The following INTS6 variants were observed in gnomAD, a reference collection of about 807,000 sequenced individuals.
INTS6 encodes the protein DEAD box protein.
A neutral mutation model predicts 104.9 loss-of-function variants in INTS6; 16 were observed. That is an observed-to-expected ratio of 0.15 (90% CI 0.10 to 0.23). INTS6 has a LOEUF of 0.23. INTS6 is among the 10% of genes least tolerant of loss of function. INTS6 has a pLI of 1.00. For missense variants in INTS6, 584 were observed against 1,062.8 expected (o/e 0.55, Z 6.26); for synonymous variants, 324 against 358.7 (o/e 0.90, Z 1.09).
At chr13:51,395,505 A>C (rs1956318512) in intron 4 of INTS6, 22 bp from the exon 5 acceptor site, 1 of 1,594,990 alleles carries the variant, frequency 6.3e-7, no homozygotes, top group African/African-American at 1.4e-5. Context: ...GGGGAAAAAC[A>C]GTAATAAGAA....
intron 4 of INTS6, among the ~76,000 whole-genome samples, chr13:51,401,669 C>T (rs1262179871): frequency 1.3e-5 from 2 of 152,044 alleles, no homozygotes; most frequent in African/African-American, 4.8e-5. Context: ...ATTTAACCCA[C>T]AAAATAAACA....
At chr13:51,443,661 C>T (rs780493236) in intron 3 of INTS6, 5 of 152,010 alleles carry the variant, frequency 3.3e-5, no homozygotes, top group Non-Finnish European at 7.4e-5. Context: ...AGTTCAAGAC[C>T]AGCCTGGGTA....
chr13:51,403,744 G>A (rs1024465916), intron 4 of INTS6, among the ~76,000 whole-genome samples: 27 of 151,626 alleles, frequency 1.8e-4, no homozygotes, highest in South Asian at 1.0e-3. Context: ...TATTTACTTC[G>A]CAGCCTATCC....
intron 4 of INTS6, among the ~76,000 whole-genome samples, chr13:51,400,513 C>A (rs1956417139): frequency 6.6e-6 from 1 of 152,152 alleles, no homozygotes; most frequent in Non-Finnish European, 1.5e-5. Flanking sequence ...GGCAAAGATA[C>A]ATTTTTTTTC....
At chr13:51,438,485 G>A (rs1479925445) in intron 3 of INTS6, 1 of 152,056 alleles carries the variant, frequency 6.6e-6, no homozygotes, top group East Asian at 1.9e-4. Context: ...GTTTTAGAAT[G>A]TTACTAAAGC....
At chr13:51,381,264 A>G (rs1278928137) in intron 10 of INTS6, among the ~76,000 whole-genome samples, 1 of 152,208 alleles carries the variant, frequency 6.6e-6, no homozygotes, top group Non-Finnish European at 1.5e-5. Context: ...AGAGACAACT[A>G]TAATCATAAA....
At chr13:51,405,132 G>C (rs752512408) in intron 4 of INTS6, among the ~76,000 whole-genome samples, 1 of 152,182 alleles carries the variant, frequency 6.6e-6, no homozygotes, top group East Asian at 1.9e-4. Context: ...AAGTTAGGGA[G>C]TAATGAAGAG....
At chr13:51,388,713 T>C (rs373986342) in intron 6 of INTS6, among the ~76,000 whole-genome samples, 12 of 152,150 alleles carry the variant, frequency 7.9e-5, no homozygotes, top group African/African-American at 2.4e-4. Context: ...AATCTTGAAA[T>C]AGGTAACATA....
rs749049193 is a variant in INTS6, at chr13:51,361,775, G to A, written c.*3977C>T. On this transcript the variant is annotated 3_prime_UTR_variant, in exon 18 of 18. Coordinates refer to ENST00000311234, the MANE Select transcript of INTS6 (RefSeq NM_012141.3). ...ATAGTTATTTTCTTAAAAATGCACA[G>A]AAAATGCAATGGAATTTTTCTTTCT... 195 of 1,553,996 alleles carry A rather than the reference G, an allele frequency of 1.3e-4. No individual in the cohort carries two copies. The highest frequency in any genetic ancestry group is 1.6e-4 in the Non-Finnish European group (189 of 1,152,570).
intron 4 of INTS6, among the ~76,000 whole-genome samples, chr13:51,427,892 G>A (rs926583888): frequency 6.6e-6 from 1 of 152,170 alleles, no homozygotes; most frequent in African/African-American, 2.4e-5. Flanking sequence ...TAGCAAGGTA[G>A]TTTCAGGTTA....
chr13:51,379,621 T>C (rs916645855), intron 10 of INTS6, 49 bp from the exon 11 acceptor site: 1 of 1,083,362 alleles, frequency 9.2e-7, no homozygotes. Context: ...ATTAAAAACT[T>C]ATGGTTCCAT....
At chr13:51,348,376 C>T in the INTS6 span, 3 of 1,613,882 alleles carry the variant, frequency 1.9e-6, no homozygotes, top group Non-Finnish European at 2.5e-6. Context: ...GGACCACCAG[C>T]CTGAGGAGAG....
chr13:51,389,592 T>C, intron 5 of INTS6, 148 bp from the exon 6 acceptor site: 1 of 663,518 alleles, frequency 1.5e-6, no homozygotes, highest in Non-Finnish European at 2.3e-6. Flanking sequence ...GTTGACTAAT[T>C]TCATTATCTT....
Position 51,451,177 on chromosome 13 carries a change from G to A in INTS6, c.190-3C>T. On this transcript the variant is annotated splice_region_variant and splice_polypyrimidine_tract_variant and intron_variant, in intron 2 of 17. Transcript: ENST00000311234. ...GCATGGTTTTCTTTCCATCCAGCCT[G>A]AAAAGAAAAATGTAAGATTTTTTTT... is the stretch of plus-strand genomic sequence containing the variant. 1 of 1,541,802 alleles carries A rather than the reference G, an allele frequency of 6.5e-7. No homozygotes were observed. Among genetic ancestry groups the A allele is most frequent in the African/African-American group, 1.4e-5 (1 of 71,554 alleles).
At chr13:51,397,635 A>G (rs572906396) in intron 4 of INTS6, among the ~76,000 whole-genome samples, 1 of 152,314 alleles carries the variant, frequency 6.6e-6, no homozygotes, top group South Asian at 2.1e-4. Flanking sequence ...AACCACCTTT[A>G]AAGTATTTGG....
chr13:51,425,411 C>A lies in INTS6; in HGVS notation c.429+4883G>T, dbSNP rs1956967175. ...AATAAGCAAGTAAAACTCTTCCCAA[C>A]AGATTACTTTGGCTGCAAATACCTT... On this transcript the variant is annotated intron_variant, in intron 4 of 17. Coordinates refer to ENST00000311234, the MANE Select transcript of INTS6 (RefSeq NM_012141.3). Among the ~76,000 whole-genome samples, 3 of 152,108 alleles carry A rather than the reference C, an allele frequency of 2.0e-5. No individual in the cohort carries two copies. The South Asian group carries it at 6.2e-4, about 31-fold the overall frequency.
At chr13:51,377,972 T>C (rs1157492021) in intron 12 of INTS6, among the ~76,000 whole-genome samples, 3 of 152,146 alleles carry the variant, frequency 2.0e-5, no homozygotes, top group Admixed American at 2.0e-4. Context: ...CATCCACTAC[T>C]GCAACTTAAA....
chr13:51,445,105 C>A (rs955006366), intron 3 of INTS6: 1 of 152,118 alleles, frequency 6.6e-6, no homozygotes, highest in Admixed American at 6.5e-5. Context: ...TCATCTAAAA[C>A]GCACTAGGGG....
chr13:51,356,903 G>A (rs1955489544), downstream of INTS6, among the ~76,000 whole-genome samples: 1 of 151,870 alleles, frequency 6.6e-6, no homozygotes, highest in Admixed American at 6.6e-5. Flanking sequence ...CAAGTATGAA[G>A]CTTGCATTCA....
Sources: gnomAD v4.1 joint callset for allele counts (sites outside exome capture counted in the v4.1 genomes callset) on GRCh38, gnomAD v4.1.1 for gene constraint, MANE v1.5 for transcripts, NCBI Gene and HGNC (gene_info 2026-07-23, HGNC 2026-07-21) for gene names.